COMMD7: variants seen among roughly 807,000 people sequenced by gnomAD.
COMMD7 encodes COMM domain containing 7.
COMMD7 carries 28 observed loss-of-function variants against 34.8 expected under a neutral mutation model. The ratio of observed to expected loss-of-function variants is 0.80; its 90% CI spans 0.60 to 1.10. The LOEUF (loss-of-function observed/expected upper bound fraction) is 1.10. Ranked by LOEUF, COMMD7 falls within the 50% of genes least tolerant of loss-of-function variation. The pLI, the probability that COMMD7 is intolerant of heterozygous loss-of-function variation, is 0.00. For missense variants in COMMD7, 211 were observed against 241.6 expected (o/e 0.87, Z 0.84); for synonymous variants, 80 against 86.4 (o/e 0.93, Z 0.41).
At chr20:32,703,520 A>G in intron 8 of COMMD7, 62 bp from the exon 9 acceptor site, 11 of 1,571,562 alleles carry the variant, frequency 7.0e-6, no homozygotes, top group Non-Finnish European at 8.6e-6. Flanking sequence ...ATCCAAGAAA[A>G]TTAATTTCCA....
intron 3 of COMMD7, among the ~76,000 whole-genome samples, chr20:32,712,750 C>CTTTT (rs568295381): frequency 2.9e-5 from 3 of 102,460 alleles, no homozygotes; most frequent in African/African-American, 1.1e-4. Flanking sequence ...GACACGGAGA[C>CTTTT]TTTTTTTTTT....
chr20:32,717,822 A>T (rs1600980936), intron 3 of COMMD7, among the ~76,000 whole-genome samples: 1 of 151,986 alleles, frequency 6.6e-6, no homozygotes, highest in East Asian at 1.9e-4. Flanking sequence ...TTTTTAAAAA[A>T]GGCAAAAAAG....
intron 1 of COMMD7, chr20:32,742,709 G>C (rs1436272453): frequency 1.3e-5 from 2 of 152,610 alleles, no homozygotes; most frequent in East Asian, 3.8e-4. Context: ...CATCAGCCTT[G>C]TCCCAGATCG....
chr20:32,703,718 A>G, intron 8 of COMMD7: 1 of 1,447,406 alleles, frequency 6.9e-7, no homozygotes, highest in South Asian at 1.5e-5. Context: ...ATCATTCGGG[A>G]TGTTCAATGT....
At chr20:32,708,086 C>T (rs1426594660) in intron 3 of COMMD7, among the ~76,000 whole-genome samples, 1 of 152,202 alleles carries the variant, frequency 6.6e-6, no homozygotes, top group African/African-American at 2.4e-5. Flanking sequence ...TCACAAGTCA[C>T]TTCCAGAGGG....
At chr20:32,721,467 G>T (rs2145746212) in intron 3 of COMMD7, among the ~76,000 whole-genome samples, 1 of 150,696 alleles carries the variant, frequency 6.6e-6, no homozygotes, top group South Asian at 2.1e-4. Flanking sequence ...AAAAATTGCT[G>T]GGCAGGACGG....
chr20:32,711,319 C>T (rs1234851563), intron 3 of COMMD7, among the ~76,000 whole-genome samples: 1 of 151,264 alleles, frequency 6.6e-6, no homozygotes, highest in Non-Finnish European at 1.5e-5. Context: ...ATCGCTTAAA[C>T]CTGGGAGGCA....
At chr20:32,737,963 A>G (rs947881387) in intron 1 of COMMD7, among the ~76,000 whole-genome samples, 3 of 147,522 alleles carry the variant, frequency 2.0e-5, no homozygotes, top group African/African-American at 7.5e-5. Context: ...AAAAAAAAAG[A>G]AAAAAACTTT....
intron 3 of COMMD7, among the ~76,000 whole-genome samples, chr20:32,712,251 C>A (rs28439272): frequency 0.33 from 36,776 of 111,662 alleles, 5,959 homozygotes; most frequent in Middle Eastern, 0.54. Context: ...GCCTGGGCCA[C>A]AGAGCAAGAC....
At chr20:32,729,822 T>C (rs1418373000) in intron 1 of COMMD7, among the ~76,000 whole-genome samples, 1 of 150,772 alleles carries the variant, frequency 6.6e-6, no homozygotes, top group African/African-American at 2.4e-5. Context: ...CTGGCCAGCA[T>C]AGTGAAACCC....
intron 5 of COMMD7, among the ~76,000 whole-genome samples, chr20:32,705,806 C>T (rs888976090): frequency 3.9e-5 from 6 of 152,128 alleles, no homozygotes; most frequent in Non-Finnish European, 8.8e-5. Flanking sequence ...GTATGACATG[C>T]GCTTGAAGCC....
chr20:32,718,926 C>A (rs6057627), intron 3 of COMMD7, among the ~76,000 whole-genome samples: 3 of 151,768 alleles, frequency 2.0e-5, no homozygotes, highest in African/African-American at 4.8e-5. Context: ...GCTGGGGTTG[C>A]GGGGAGAGTA....
chr20:32,705,179 C>T (rs1983989956), intron 5 of COMMD7, among the ~76,000 whole-genome samples: 1 of 151,884 alleles, frequency 6.6e-6, no homozygotes, highest in Non-Finnish European at 1.5e-5. Flanking sequence ...TACTGGCCCC[C>T]ACATGGCTTC....
At chr20:32,711,415 TA>T (rs76264991) in intron 3 of COMMD7, among the ~76,000 whole-genome samples, 443 of 123,844 alleles carry the variant, frequency 3.6e-3, no homozygotes, top group Admixed American at 4.3e-3. Flanking sequence ...AAATGTTACT[TA>T]AAAAAAAAAA....
At position 32,719,452 on chromosome 20, in the gene COMMD7, C is replaced by T. The variant is rs192803591; in HGVS notation, c.241+8441G>A. Reference sequence around the variant, plus strand: ...TCACCTGAGGTCAGGAGTTCGAGACCAGCCTGGCCAACAAGGTGAAACCCC... The same window carrying T: ...TCACCTGAGGTCAGGAGTTCGAGACTAGCCTGGCCAACAAGGTGAAACCCC... On this transcript the variant is annotated intron_variant, in intron 3 of 8. Coordinates refer to ENST00000278980, the MANE Select transcript of COMMD7 (RefSeq NM_053041.3). 7.9e-5 allele frequency among the ~76,000 whole-genome samples: 12 copies of T among 152,232 alleles called. No individual in the cohort carries two copies. The East Asian group carries it at 2.3e-3, about 29-fold the overall frequency.
At chr20:32,733,041 G>T (rs1472915936) in intron 1 of COMMD7, among the ~76,000 whole-genome samples, 1 of 151,290 alleles carries the variant, frequency 6.6e-6, no homozygotes, top group Non-Finnish European at 1.5e-5. Context: ...TTTGAGATCA[G>T]CCTGGCCAAC....
chr20:32,734,047 A>AG (rs965310213), intron 1 of COMMD7, among the ~76,000 whole-genome samples: 2 of 148,968 alleles, frequency 1.3e-5, no homozygotes, highest in African/African-American at 2.5e-5. Flanking sequence ...CAAGCGTGGT[A>AG]GGGGGCGCCT....
chr20:32,713,674 C>A (rs1296508542), intron 3 of COMMD7, among the ~76,000 whole-genome samples: 2 of 152,180 alleles, frequency 1.3e-5, no homozygotes, highest in Non-Finnish European at 2.9e-5. Flanking sequence ...CGCACATTTA[C>A]TGAGCACTGC....
At chr20:32,737,756 T>C (rs1986221016) in intron 1 of COMMD7, among the ~76,000 whole-genome samples, 1 of 151,768 alleles carries the variant, frequency 6.6e-6, no homozygotes, top group South Asian at 2.1e-4. Flanking sequence ...GAGGACTCCT[T>C]GAGCCCAGGA....
Sources: gnomAD v4.1 joint callset for allele counts (sites outside exome capture counted in the v4.1 genomes callset) on GRCh38, gnomAD v4.1.1 for gene constraint, MANE v1.5 for transcripts, NCBI Gene and HGNC (gene_info 2026-07-23, HGNC 2026-07-21) for gene names.